Variants in RANBP2 observed in about 807,000 individuals in gnomAD.
RANBP2 encodes the protein RAN binding protein 2, also known as E3 SUMO-protein ligase RanBP2.
In RANBP2, 57 loss-of-function variants were observed where a neutral mutation model predicts 303.6. The observed-to-expected ratio is 0.19, with a 90% confidence interval of 0.15 to 0.23. The LOEUF (loss-of-function observed/expected upper bound fraction) is 0.23, where lower values mean the gene tolerates loss of function less well. RANBP2 is among the 10% of genes least tolerant of loss of function. The pLI, the probability that RANBP2 is intolerant of heterozygous loss-of-function variation, is 1.00. For missense variants in RANBP2, 3,138 were observed against 3,780.8 expected (o/e 0.83, Z 4.46); for synonymous variants, 1,167 against 1,301.5 (o/e 0.90, Z 2.23).
the RANBP2 span, among the ~76,000 whole-genome samples, chr2:109,113,684 G>A: frequency 3.9e-5 from 6 of 152,204 alleles, no homozygotes; most frequent in South Asian, 2.1e-4. Flanking sequence ...GAATAGGAGC[G>A]GTGAGAGAGG....
the RANBP2 span, among the ~76,000 whole-genome samples, chr2:109,524,444 CAAA>C: frequency 2.3e-4 from 19 of 84,406 alleles, no homozygotes; most frequent in South Asian, 7.4e-3. Context: ...GACCCTGTCT[CAAA>C]AAAAAAAAAA....
intron 1 of RANBP2, among the ~76,000 whole-genome samples, chr2:108,726,186 G>T (rs965430339): frequency 2.0e-5 from 3 of 152,176 alleles, no homozygotes; most frequent in Non-Finnish European, 4.4e-5. Context: ...ACGGCCTCCT[G>T]CTCCGTCCTA....
At chr2:109,613,412 AG>A in the RANBP2 span, 1 of 324,058 alleles carries the variant, frequency 3.1e-6, no homozygotes, top group East Asian at 7.4e-5. Context: ...GAGGCTCGGA[AG>A]TGCTCACGGC....
At chr2:108,788,082 C>T (rs376698352), downstream of RANBP2, 17 of 1,600,564 alleles carry the variant, frequency 1.1e-5, no homozygotes, top group African/African-American at 1.6e-4. Flanking sequence ...GAACTCTAAC[C>T]TCCCCAGGTA....
At chr2:109,229,666 A>G in the RANBP2 span, among the ~76,000 whole-genome samples, 3 of 152,224 alleles carry the variant, frequency 2.0e-5, no homozygotes, top group Non-Finnish European at 4.4e-5. Context: ...ATGTGAAAGC[A>G]TCAGCATACA....
At chr2:109,412,511 C>T in the RANBP2 span, among the ~76,000 whole-genome samples, 3 of 152,370 alleles carry the variant, frequency 2.0e-5, no homozygotes, top group East Asian at 3.9e-4. Flanking sequence ...GGTTCCCACT[C>T]TTCCCGCTGC....
chr2:109,078,304 T>C, the RANBP2 span, among the ~76,000 whole-genome samples: 3 of 127,574 alleles, frequency 2.4e-5, no homozygotes, highest in Admixed American at 8.1e-5. Context: ...ATATATAGCG[T>C]GTATATATAT....
intron 20 of RANBP2, among the ~76,000 whole-genome samples, chr2:108,770,025 G>A (rs770141583): frequency 2.0e-4 from 30 of 151,932 alleles, no homozygotes; most frequent in Non-Finnish European, 3.7e-4. Context: ...TTAAAGATAC[G>A]GTCTTTGAGA....
At chr2:108,841,004 TTTTGTTTGTTTGTTTG>T in the RANBP2 span, among the ~76,000 whole-genome samples, 1 of 151,482 alleles carries the variant, frequency 6.6e-6, no homozygotes, top group Non-Finnish European at 1.5e-5. Flanking sequence ...TGTGTGTGTT[TTTTGTTTGTTTGTTTG>T]TTTGTTTGTT....
chr2:109,184,738 C>T, the RANBP2 span, among the ~76,000 whole-genome samples: 1 of 152,210 alleles, frequency 6.6e-6, no homozygotes, highest in Non-Finnish European at 1.5e-5. Flanking sequence ...GTGCAGCCTC[C>T]TATTCTGCCA....
chr2:109,794,596 C>CCTCGGCCCCGGCCCGGCCGGGG, the RANBP2 span: 2 of 903,066 alleles, frequency 2.2e-6, no homozygotes, highest in African/African-American at 4.2e-5. Context: ...GCGGCGGCGG[C>CCTCGGCCCCGGCCCGGCCGGGG]GGCGGCGGCG....
At chr2:109,285,850 T>G in the RANBP2 span, among the ~76,000 whole-genome samples, 2 of 152,204 alleles carry the variant, frequency 1.3e-5, no homozygotes, top group Non-Finnish European at 2.9e-5. Context: ...TCTGCGTGGC[T>G]CCAAGCCTGA....
At chr2:108,805,269 A>G in the RANBP2 span, among the ~76,000 whole-genome samples, 1 of 152,228 alleles carries the variant, frequency 6.6e-6, no homozygotes, top group African/African-American at 2.4e-5. Flanking sequence ...ATTTTTAGGT[A>G]CTGATCTCTG....
At chr2:109,395,692 G>T in the RANBP2 span, among the ~76,000 whole-genome samples, 1 of 152,226 alleles carries the variant, frequency 6.6e-6, no homozygotes, top group Non-Finnish European at 1.5e-5. Context: ...GCCTCTCGGG[G>T]ACACGTGCTG....
At position 108,758,395 on chromosome 2, in the gene RANBP2, T is replaced by A. The variant is rs777316114; in HGVS notation, c.2467-18T>A. 2.5e-6 allele frequency: 4 copies of A among 1,611,756 alleles called. No individual in the cohort carries two copies. The East Asian group carries it at 8.9e-5, about 36-fold the overall frequency. On this transcript the variant is annotated intron_variant, in intron 17 of 28. Coordinates refer to ENST00000283195, the MANE Select transcript of RANBP2 (RefSeq NM_006267.5). ...AATTAAATGTTTAAAATTATTTGATTTTTTTTTCTTCCAATAGAAAGAAAT... is the reference window on the plus strand; with the variant it reads ...AATTAAATGTTTAAAATTATTTGATATTTTTTTCTTCCAATAGAAAGAAAT...
chr2:109,325,993 C>T, the RANBP2 span, among the ~76,000 whole-genome samples: 5 of 152,204 alleles, frequency 3.3e-5, no homozygotes, highest in Non-Finnish European at 5.9e-5. Context: ...TAAAGAAGAA[C>T]AACAACAAAC....
At chr2:109,734,053 C>T in the RANBP2 span, among the ~76,000 whole-genome samples, 1 of 151,774 alleles carries the variant, frequency 6.6e-6, no homozygotes, top group African/African-American at 2.4e-5. Context: ...ATGTCGGGTG[C>T]CTGTAATCCC....
At chr2:108,794,586 T>C in the RANBP2 span, 13 of 1,613,940 alleles carry the variant, frequency 8.1e-6, no homozygotes, top group African/African-American at 5.3e-5. Context: ...GGACTGAGTG[T>C]TGTAGTGATG....
the RANBP2 span, among the ~76,000 whole-genome samples, chr2:109,295,861 C>G: frequency 1.9e-4 from 29 of 152,156 alleles, no homozygotes; most frequent in Admixed American, 2.6e-4. Context: ...TGAAGCTGGA[C>G]TCTCTCTCAG....
Sources: gnomAD v4.1 joint callset for allele counts (sites outside exome capture counted in the v4.1 genomes callset) on GRCh38, gnomAD v4.1.1 for gene constraint, MANE v1.5 for transcripts, NCBI Gene and HGNC (gene_info 2026-07-23, HGNC 2026-07-21) for gene names.